Variants in CSMD1 observed in about 807,000 individuals in gnomAD.
The protein encoded by CSMD1 is CUB and Sushi multiple domains 1, also known as CUB and sushi domain-containing protein 1.
In CSMD1, 213 loss-of-function variants were observed where a neutral mutation model predicts 417.5. The observed-to-expected ratio is 0.51, with a 90% CI of 0.46 to 0.57. The LOEUF (loss-of-function observed/expected upper bound fraction) is 0.57, where lower values mean the gene tolerates loss of function less well. Among genes scored for constraint, CSMD1 ranks in the 20% least tolerant of loss-of-function variants. The pLI, the probability that CSMD1 is intolerant of heterozygous loss-of-function variation, is 0.00. For synonymous variants in CSMD1, 2,862 were observed against 1,736.8 expected (o/e 1.65, Z -16.11); for missense variants, 6,923 against 4,529.7 (o/e 1.53, Z -15.17).
chr8:4,045,964 T>C (rs949264000), intron 3 of CSMD1, among the ~76,000 whole-genome samples: 2 of 152,160 alleles, frequency 1.3e-5, no homozygotes, highest in African/African-American at 2.4e-5. Context: ...TCAAAGTATA[T>C]TAGATTCCTG....
At chr8:4,362,859 C>G (rs904802328) in intron 3 of CSMD1, among the ~76,000 whole-genome samples, 3 of 152,050 alleles carry the variant, frequency 2.0e-5, no homozygotes, top group Non-Finnish European at 4.4e-5. Context: ...ATCAGGGTCT[C>G]TATAAATTCA....
At chr8:4,645,359 T>C (rs1803453009) in intron 1 of CSMD1, among the ~76,000 whole-genome samples, 1 of 144,566 alleles carries the variant, frequency 6.9e-6, no homozygotes, top group Non-Finnish European at 1.5e-5. Flanking sequence ...TACTGAGAAA[T>C]TGTTGCATTA....
chr8:3,064,839 G>A (rs1422811643), intron 49 of CSMD1, among the ~76,000 whole-genome samples: 1 of 152,094 alleles, frequency 6.6e-6, no homozygotes, highest in African/African-American at 2.4e-5. Context: ...CAATAAAGTA[G>A]GCATTAAAGA....
chr8:3,906,367 T>A (rs1808110591), intron 5 of CSMD1, among the ~76,000 whole-genome samples: 1 of 152,184 alleles, frequency 6.6e-6, no homozygotes, highest in Non-Finnish European at 1.5e-5. Context: ...TCACCTATAG[T>A]ATGGTCTAGA....
intron 5 of CSMD1, among the ~76,000 whole-genome samples, chr8:3,967,814 T>C (rs1056133960): frequency 6.6e-6 from 1 of 151,988 alleles, no homozygotes; most frequent in Non-Finnish European, 1.5e-5. Context: ...CTTGAGAATA[T>C]ACGCTTATAG....
rs566386869 is a variant in CSMD1, at chr8:3,566,097, G to A, written c.1344+8848C>T. ...CCTAGTCATTTAAAATAAACAGAAA[G>A]GGAAGGAGGCGGAGAAGAAGGAGAG... On this transcript the variant is annotated intron_variant, in intron 10 of 69. Coordinates refer to ENST00000635120, the MANE Select transcript of CSMD1 (RefSeq NM_033225.6). Among the ~76,000 whole-genome samples the A allele has an allele frequency of 7.9e-5, 12 of 152,124 alleles. No homozygotes were observed. In the East Asian group the frequency reaches 2.1e-3, roughly 27 times the overall value.
chr8:3,204,400 A>T (rs373149339), intron 31 of CSMD1, among the ~76,000 whole-genome samples: 6 of 29,182 alleles, frequency 2.1e-4, no homozygotes, highest in Non-Finnish European at 4.2e-4. Flanking sequence ...CATTTAGGTA[A>T]AAAAAAAAAA....
In CSMD1 at chr8:3,181,145, C is replaced by T. The variant is rs1821296820; in HGVS notation, c.5690G>A (p.Ser1897Asn). The T allele has an allele frequency of 6.2e-7, 1 of 1,613,750 alleles. No homozygotes were observed. The highest frequency in any genetic ancestry group is 1.7e-5 in the Admixed American group (1 of 60,004). The change falls in exon 37 of 70, where the codon AGT becomes AAT. Residue 1897 changes from serine to asparagine, a missense_variant. Ser to Asn is a conservative substitution (Grantham distance 46). Coordinates refer to ENST00000635120, the MANE Select transcript of CSMD1 (RefSeq NM_033225.6). ...CAGGTGGAAACCAGCAGCTGCCACACTAATGTCAGACTGGAAATGCAGGTA... is the reference window on the plus strand; with the variant it reads ...CAGGTGGAAACCAGCAGCTGCCACATTAATGTCAGACTGGAAATGCAGGTA... ...QLYLHFQSDISVAAAGFHLEY... is the reference protein window; with the variant it reads ...QLYLHFQSDINVAAAGFHLEY...
At chr8:4,424,691 C>A (rs1021677474) in intron 2 of CSMD1, among the ~76,000 whole-genome samples, 9 of 152,018 alleles carry the variant, frequency 5.9e-5, no homozygotes, top group African/African-American at 2.2e-4. Context: ...CACGTAACTG[C>A]CATCTGACCA....
intron 3 of CSMD1, among the ~76,000 whole-genome samples, chr8:4,212,751 CTTTTTTTTTTT>C (rs5889027): frequency 1.0e-5 from 1 of 99,268 alleles, no homozygotes; most frequent in Non-Finnish European, 1.9e-5. Context: ...CGGCCTTATT[CTTTTTTTTTTT>C]TTTTTTTTTT....
chr8:4,142,371 T>G lies in CSMD1; in HGVS notation c.416-110272A>C, dbSNP rs181225852. Among the ~76,000 whole-genome samples, 34 of 151,172 alleles carry G rather than the reference T, an allele frequency of 2.2e-4. 2 individuals carry two copies. The highest frequency in any genetic ancestry group is 7.4e-4 in the African/African-American group (30 of 40,512). ...ATGATATTTGGCTGTAGGCAAATAT[T>G]AGAGGCCTCAGGGAGAGGACAGTTT... On this transcript the variant is annotated intron_variant, in intron 3 of 69. Transcript: ENST00000635120.
chr8:3,775,859 T>A (rs1798861866), intron 5 of CSMD1, among the ~76,000 whole-genome samples: 1 of 152,226 alleles, frequency 6.6e-6, no homozygotes, highest in Non-Finnish European at 1.5e-5. Context: ...TGACCTAGGA[T>A]GGGTCCTGAG....
chr8:4,453,031 C>G (rs778509506), intron 2 of CSMD1, among the ~76,000 whole-genome samples: 17 of 152,222 alleles, frequency 1.1e-4, no homozygotes, highest in East Asian at 1.9e-4. Flanking sequence ...TAAGGGACAA[C>G]TTAGATTTTC....
chr8:3,659,665 C>G (rs1468111553), intron 7 of CSMD1, among the ~76,000 whole-genome samples: 1 of 152,114 alleles, frequency 6.6e-6, no homozygotes, highest in Non-Finnish European at 1.5e-5. Context: ...CAAGAAAATA[C>G]TGCTGTTTCT....
At chr8:3,432,572 C>T (rs143728219) in intron 12 of CSMD1, among the ~76,000 whole-genome samples, 2,102 of 130,498 alleles carry the variant, frequency 0.016, 50 homozygotes, top group East Asian at 0.1. Context: ...TGCAGTGGTG[C>T]GATCTTGGCT....
chr8:3,048,687 G>C (rs1811618847), intron 50 of CSMD1, among the ~76,000 whole-genome samples: 1 of 151,582 alleles, frequency 6.6e-6, no homozygotes, highest in Non-Finnish European at 1.5e-5. Flanking sequence ...TGACTTTGTA[G>C]ATACAAAAAC....
intron 1 of CSMD1, among the ~76,000 whole-genome samples, chr8:4,824,643 C>A (rs1226544521): frequency 1.3e-5 from 2 of 152,108 alleles, no homozygotes; most frequent in African/African-American, 2.4e-5. Flanking sequence ...ACACACCCAA[C>A]AGAAGGAATC....
intron 3 of CSMD1, among the ~76,000 whole-genome samples, chr8:4,165,390 C>A (rs192423877): frequency 6.6e-6 from 1 of 152,336 alleles, no homozygotes; most frequent in South Asian, 2.1e-4. Flanking sequence ...AAAAGATGTG[C>A]CATTTGTAGA....
intron 3 of CSMD1, among the ~76,000 whole-genome samples, chr8:4,080,405 G>A (rs1012469657): frequency 1.3e-5 from 2 of 152,148 alleles, no homozygotes; most frequent in African/African-American, 4.8e-5. Context: ...TTTCCAAAAT[G>A]TACTGGTGAG....
Sources: gnomAD v4.1 joint callset for allele counts (sites outside exome capture counted in the v4.1 genomes callset) on GRCh38, gnomAD v4.1.1 for gene constraint, MANE v1.5 for transcripts, NCBI Gene and HGNC (gene_info 2026-07-23, HGNC 2026-07-21) for gene names.